SLC26A7: variants seen among roughly 807,000 people sequenced by gnomAD.
The protein encoded by SLC26A7 is solute carrier family 26 member 7.
A neutral mutation model predicts 82.5 loss-of-function variants in SLC26A7; 59 were observed. The observed-to-expected ratio is 0.72, with a 90% CI of 0.58 to 0.89. The LOEUF is 0.89. SLC26A7 is among the 40% of genes least tolerant of loss of function. The pLI, the probability that SLC26A7 is intolerant of heterozygous loss-of-function variation, is 0.00. For synonymous variants in SLC26A7, 271 were observed against 274.3 expected (o/e 0.99, Z 0.12); for missense variants, 820 against 793.0 (o/e 1.03, Z -0.41).
rs1037324503 is a variant in SLC26A7 at position 91,366,717 on chromosome 8, G to C, written c.1626G>C (p.Lys542Asn). The change falls in exon 14 of 19, where the codon AAG (lysine) becomes AAC (asparagine). Residue 542 changes from lysine (K) to asparagine (N), a missense_variant and splice_region_variant. Coordinates refer to ENST00000276609, the MANE Select transcript of SLC26A7 (RefSeq NM_052832.4). ...ACNQPLDDISKCEQNTLLNSL... is the reference protein window; with the variant it reads ...ACNQPLDDISNCEQNTLLNSL... ...ATCAGCCACTTGATGATATCAGCAAGGTAGGATCAATGGTTTGATTAGAAT... is the reference window on the plus strand; with the variant it reads ...ATCAGCCACTTGATGATATCAGCAACGTAGGATCAATGGTTTGATTAGAAT... 7 of 1,609,506 alleles carry C rather than the reference G, an allele frequency of 4.3e-6. No homozygotes were observed. The highest frequency in any genetic ancestry group is 5.9e-6 in the Non-Finnish European group (7 of 1,178,814).
In SLC26A7 at chr8:91,299,255, C is replaced by T. The variant is rs112439566; in HGVS notation, c.477+3552C>T. On this transcript the variant is annotated intron_variant, in intron 4 of 18. Transcript: ENST00000276609. ...TTGAAAGTATTTCCTTCTAATTTGG[C>T]AGTTGTACTTTGACTTTATTTTACT... 1.4e-3 allele frequency among the ~76,000 whole-genome samples: 213 copies of T among 152,086 alleles called. 2 individuals carry two copies. Among genetic ancestry groups the T allele is most frequent in the African/African-American group, 5.1e-3 (210 of 41,506 alleles).
At chr8:91,368,647 T>G (rs1814266849) in intron 14 of SLC26A7, among the ~76,000 whole-genome samples, 2 of 151,954 alleles carry the variant, frequency 1.3e-5, no homozygotes, top group African/African-American at 4.8e-5. Flanking sequence ...ATGGTCTCGA[T>G]CTCCTGACCT....
intron 11 of SLC26A7, among the ~76,000 whole-genome samples, chr8:91,354,641 C>T (rs1301763873): frequency 6.6e-6 from 1 of 152,134 alleles, no homozygotes; most frequent in African/African-American, 2.4e-5. Context: ...AACTGGAGCA[C>T]TGCTTTAGCC....
chr8:91,366,396 G>C (rs1474373075), intron 13 of SLC26A7, among the ~76,000 whole-genome samples, 184 bp from the exon 14 acceptor site: 5 of 152,138 alleles, frequency 3.3e-5, no homozygotes, highest in Non-Finnish European at 5.9e-5. Context: ...ATGTTTCTTA[G>C]TAAGCAGGAA....
Position 91,395,286 on chromosome 8 carries a change from A to G in SLC26A7, c.*189A>G. 7.3e-7 allele frequency: 1 copy of G among 1,362,142 alleles called. No individual in the cohort carries two copies. 84.4% of individuals were successfully genotyped at this position (1,362,142 alleles called of 1,614,324 possible). ...ACTTTTTTTTCTCATTTTTGTTAGT[A>G]AGAAGATTCGCTTAGTTATTTTATG... is the stretch of plus-strand genomic sequence containing the variant. On this transcript the variant is annotated 3_prime_UTR_variant, in exon 19 of 19. Transcript: ENST00000276609.
intron 2 of SLC26A7, among the ~76,000 whole-genome samples, chr8:91,226,124 T>G (rs1810236326): frequency 6.6e-6 from 1 of 152,246 alleles, no homozygotes; most frequent in Non-Finnish European, 1.5e-5. Flanking sequence ...ATCTCTACTC[T>G]CACCAGTTTC....
At chr8:91,263,989 T>TGAA (rs1034437833) in intron 2 of SLC26A7, among the ~76,000 whole-genome samples, 14 of 151,984 alleles carry the variant, frequency 9.2e-5, no homozygotes, top group Admixed American at 9.2e-4. Flanking sequence ...AGTAGAAGAC[T>TGAA]GAAGTTCAGA....
intron 5 of SLC26A7, among the ~76,000 whole-genome samples, chr8:91,332,864 T>C (rs1258069808): frequency 6.6e-6 from 1 of 152,080 alleles, no homozygotes; most frequent in East Asian, 1.9e-4. Flanking sequence ...TGTTTTGACT[T>C]ATTATAAATA....
intron 16 of SLC26A7, among the ~76,000 whole-genome samples, chr8:91,392,711 G>A (rs1808437254): frequency 6.6e-6 from 1 of 152,168 alleles, no homozygotes; most frequent in Non-Finnish European, 1.5e-5. Context: ...TAGGTTGAAG[G>A]AAGTAGGCTG....
intron 9 of SLC26A7, among the ~76,000 whole-genome samples, chr8:91,350,476 A>G (rs948291837): frequency 6.6e-6 from 1 of 151,982 alleles, no homozygotes; most frequent in Non-Finnish European, 1.5e-5. Context: ...AAATCAAGAT[A>G]TAGAATATTT....
chr8:91,211,595 A>AATAT lies in SLC26A7; in HGVS notation c.-150+2072_-150+2075dup, dbSNP rs144378729. On this transcript the variant is annotated intron_variant, in intron 1 of 5. Transcript: ENST00000522862. The stretch of plus-strand genomic sequence containing the variant: ...ATGTTAAGTAGACAGCAATTATACA[A>AATAT]ATATATATATATATATATATATTTT... Among the ~76,000 whole-genome samples, 715 of 140,396 alleles carry AATAT rather than the reference A, an allele frequency of 5.1e-3. 6 individuals are homozygous for AATAT. Among genetic ancestry groups the AATAT allele is most frequent in the South Asian group, 0.017 (72 of 4,266 alleles). The allele number at this position is 140,396 out of a possible 152,430, so 92.1% of individuals were successfully genotyped here. A position where few individuals can be genotyped will look rare whatever the true frequency, so the allele number is the denominator to read the frequency against.
At chr8:91,269,189 T>C (rs904367737) in intron 2 of SLC26A7, among the ~76,000 whole-genome samples, 8 of 152,088 alleles carry the variant, frequency 5.3e-5, no homozygotes, top group Non-Finnish European at 1.5e-5. Context: ...GTGAGTTTTA[T>C]ACTTTTTGAA....
chr8:91,242,440 A>T (rs1456118899), intron 2 of SLC26A7, among the ~76,000 whole-genome samples: 2 of 152,300 alleles, frequency 1.3e-5, no homozygotes, highest in East Asian at 3.9e-4. Flanking sequence ...TTCTTAATCA[A>T]TTTTTTAGTA....
At chr8:91,328,670 A>G (rs1288717321) in intron 5 of SLC26A7, among the ~76,000 whole-genome samples, 1 of 152,152 alleles carries the variant, frequency 6.6e-6, no homozygotes, top group Non-Finnish European at 1.5e-5. Context: ...ACACCATTCT[A>G]GAAGTTGAGA....
chr8:91,224,467 G>C (rs1189839274), intron 2 of SLC26A7, among the ~76,000 whole-genome samples: 1 of 152,082 alleles, frequency 6.6e-6, no homozygotes, highest in Non-Finnish European at 1.5e-5. Context: ...CAGTTGGCTG[G>C]GGGTTCACTT....
At chr8:91,300,400 ATT>A (rs35766764) in intron 4 of SLC26A7, among the ~76,000 whole-genome samples, 14 of 143,448 alleles carry the variant, frequency 9.8e-5, no homozygotes, top group Admixed American at 4.2e-4. Flanking sequence ...ATTTGCTAGA[ATT>A]TTTTTTTTTT....
intron 3 of SLC26A7, among the ~76,000 whole-genome samples, chr8:91,293,924 A>T (rs527515595): frequency 3.3e-5 from 5 of 152,176 alleles, no homozygotes; most frequent in Non-Finnish European, 5.9e-5. Flanking sequence ...TATGGTGAAT[A>T]TTCTCTACTT....
intron 1 of SLC26A7, among the ~76,000 whole-genome samples, chr8:91,211,266 A>G (rs999165687): frequency 2.6e-5 from 4 of 152,104 alleles, no homozygotes; most frequent in African/African-American, 9.6e-5. Context: ...CATTAAGCTA[A>G]TAATATCTAG....
intron 3 of SLC26A7, among the ~76,000 whole-genome samples, 171 bp downstream of exon 3, chr8:91,289,417 T>C (rs188798610): frequency 6.6e-6 from 1 of 152,360 alleles, no homozygotes; most frequent in Admixed American, 6.5e-5. Context: ...CTGTGGTTTA[T>C]TGCTATATTA....
Sources: gnomAD v4.1 joint callset for allele counts (sites outside exome capture counted in the v4.1 genomes callset) on GRCh38, gnomAD v4.1.1 for gene constraint, MANE v1.5 for transcripts, NCBI Gene and HGNC (gene_info 2026-07-23, HGNC 2026-07-21) for gene names.